Variants in PHF24 observed in about 807,000 individuals in gnomAD.
PHF24 encodes the protein Galpha inhibitory interacting protein.
A neutral mutation model predicts 42.6 loss-of-function variants in PHF24; 25 were observed. The observed-to-expected ratio is 0.59, with a 90% CI of 0.43 to 0.82. The LOEUF is 0.82. Ranked by LOEUF, PHF24 falls within the 40% of genes least tolerant of loss-of-function variation. The pLI, the probability that PHF24 is intolerant of heterozygous loss-of-function variation, is 0.00. For synonymous variants in PHF24, 185 were observed against 204.8 expected, an observed-to-expected ratio of 0.90 and a Z score of 0.83; for missense variants, 470 against 538.1, an observed-to-expected ratio of 0.87 and a Z score of 1.25.
At chr9:34,948,845 A>G in the PHF24 span, among the ~76,000 whole-genome samples, 5 of 152,234 alleles carry the variant, frequency 3.3e-5, no homozygotes, top group African/African-American at 1.2e-4. Flanking sequence ...AAAAGTTAAA[A>G]TATGAGAAAA....
chr9:34,715,824 G>T, the PHF24 span, among the ~76,000 whole-genome samples: 1 of 152,212 alleles, frequency 6.6e-6, no homozygotes, highest in Non-Finnish European at 1.5e-5. Context: ...ACCTGGAGTA[G>T]ACATCCTAGG....
chr9:34,779,297 T>A, the PHF24 span, among the ~76,000 whole-genome samples: 2 of 151,974 alleles, frequency 1.3e-5, no homozygotes, highest in African/African-American at 4.8e-5. Flanking sequence ...ATCAACAAAC[T>A]CAAAACTTGG....
the PHF24 span, among the ~76,000 whole-genome samples, chr9:34,696,486 CAAAAAAAAAAAA>C: frequency 1.1e-5 from 1 of 92,616 alleles, no homozygotes; most frequent in Non-Finnish European, 2.2e-5. Flanking sequence ...GACTCCATCT[CAAAAAAAAAAAA>C]AAAAAAAAAG....
the PHF24 span, among the ~76,000 whole-genome samples, chr9:34,715,477 C>T: frequency 6.6e-6 from 1 of 152,160 alleles, no homozygotes; most frequent in Non-Finnish European, 1.5e-5. Flanking sequence ...AGTCCTCAGA[C>T]CAGGCTGGAT....
At chr9:34,735,137 T>TC in the PHF24 span, among the ~76,000 whole-genome samples, 9 of 120,480 alleles carry the variant, frequency 7.5e-5, no homozygotes, top group East Asian at 4.1e-4. Flanking sequence ...TTTTTTCTTT[T>TC]TTTTTTTTTT....
At chr9:34,834,671 G>A in the PHF24 span, 4 of 1,546,774 alleles carry the variant, frequency 2.6e-6, no homozygotes, top group Admixed American at 2.0e-5. Flanking sequence ...GGTGTGCTGA[G>A]ACCTCTGGAG....
rs1297946392 is a variant in PHF24, at chr9:34,967,638, G to A, written c.-4-3657G>A. Among the ~76,000 whole-genome samples the A allele has an allele frequency of 4.6e-5, 7 of 152,188 alleles. No homozygotes were observed. The East Asian group carries it at 1.3e-3, about 29-fold the overall frequency. ...GGTACCTCTGTCACTGTAAGTTGGGGAGTTGCATCCCACCCAGCCATCGAA... is the reference window on the plus strand; with the variant it reads ...GGTACCTCTGTCACTGTAAGTTGGGAAGTTGCATCCCACCCAGCCATCGAA... On this transcript the variant is annotated intron_variant, in intron 1 of 7. Coordinates refer to ENST00000242315, the Ensembl canonical transcript of PHF24.
the PHF24 span, among the ~76,000 whole-genome samples, chr9:34,874,410 A>G: frequency 1.3e-5 from 2 of 152,054 alleles, no homozygotes. Flanking sequence ...ATAACAAGGG[A>G]TATGCTTTTT....
the PHF24 span, among the ~76,000 whole-genome samples, chr9:34,811,391 A>T: frequency 6.6e-6 from 1 of 152,152 alleles, no homozygotes; most frequent in African/African-American, 2.4e-5. Flanking sequence ...TCATAAATTA[A>T]TTGACATTAT....
the PHF24 span, among the ~76,000 whole-genome samples, chr9:34,752,581 C>G: frequency 1.3e-5 from 2 of 152,092 alleles, no homozygotes; most frequent in South Asian, 4.1e-4. Flanking sequence ...GACCTGATAG[C>G]GTCACTGCTG....
the PHF24 span, chr9:34,725,853 G>A: frequency 6.4e-7 from 1 of 1,551,888 alleles, no homozygotes; most frequent in Non-Finnish European, 8.7e-7. Context: ...TTCAAGGGGG[G>A]CTTGGGCACA....
At chr9:34,680,687 C>CAAA in the PHF24 span, among the ~76,000 whole-genome samples, 94 of 124,664 alleles carry the variant, frequency 7.5e-4, no homozygotes, top group Non-Finnish European at 8.8e-4. Flanking sequence ...GACTCCGTCT[C>CAAA]AAAAAAAAAA....
At chr9:34,809,914 G>A in the PHF24 span, among the ~76,000 whole-genome samples, 8 of 143,800 alleles carry the variant, frequency 5.6e-5, no homozygotes, top group Middle Eastern at 3.4e-3. The surrounding 1 kb of genome is among the most constrained non-coding windows in gnomAD (Gnocchi z 4.1). Context: ...TGATTCGGGA[G>A]GCCAGTACCT....
At chr9:34,966,836 G>A (rs549708451) in intron 1 of PHF24, among the ~76,000 whole-genome samples, 2 of 152,002 alleles carry the variant, frequency 1.3e-5, no homozygotes, top group African/African-American at 2.4e-5. Context: ...CGAGTAGCTG[G>A]GATTATAGGA....
At chr9:34,680,636 C>T in the PHF24 span, among the ~76,000 whole-genome samples, 4 of 145,528 alleles carry the variant, frequency 2.7e-5, no homozygotes, top group Admixed American at 6.9e-5. Flanking sequence ...TGCAGTGAGC[C>T]GAGATCCCGC....
At chr9:34,733,595 G>A in the PHF24 span, among the ~76,000 whole-genome samples, 1 of 151,676 alleles carries the variant, frequency 6.6e-6, no homozygotes, top group African/African-American at 2.4e-5. Context: ...TGATCTCTTG[G>A]GCTCAAGCGA....
At chr9:34,805,225 A>G in the PHF24 span, among the ~76,000 whole-genome samples, 1 of 152,236 alleles carries the variant, frequency 6.6e-6, no homozygotes. Flanking sequence ...GAATATACCT[A>G]GGAGTGAAAT....
At chr9:34,958,101 G>C (rs533191672), upstream of PHF24, among the ~76,000 whole-genome samples, 4 of 149,040 alleles carry the variant, frequency 2.7e-5, no homozygotes, top group African/African-American at 9.7e-5. The surrounding 1 kb of genome is among the most constrained non-coding windows in gnomAD (Gnocchi z 4.5). Flanking sequence ...GGAGCCGCGA[G>C]GGCGTCTCCT....
the PHF24 span, among the ~76,000 whole-genome samples, chr9:34,866,643 AAAG>A: frequency 2.0e-5 from 3 of 152,150 alleles, no homozygotes; most frequent in African/African-American, 7.2e-5. Context: ...AAGCCATAAA[AAAG>A]AGTGTCCTTT....
Sources: gnomAD v4.1 joint callset for allele counts (sites outside exome capture counted in the v4.1 genomes callset) on GRCh38, gnomAD v4.1.1 for gene constraint, Gnocchi (gnomAD v3.1) non-coding constraint, MANE v1.5 for transcripts, NCBI Gene and HGNC (gene_info 2026-07-23, HGNC 2026-07-21) for gene names.